The following HECA variants were observed in gnomAD, a reference collection of about 807,000 sequenced individuals.
The protein encoded by HECA is HECA ribonucleoprotein granule regulator.
In HECA, 13 loss-of-function variants were observed where a neutral mutation model predicts 37.6. The observed-to-expected ratio is 0.35, with a 90% confidence interval of 0.23 to 0.55. The LOEUF (loss-of-function observed/expected upper bound fraction) is 0.55. Among genes scored for constraint, HECA ranks in the 20% least tolerant of loss-of-function variants. The probability of loss-of-function intolerance (pLI) is 0.90; values close to 1 mark genes in which losing one functional copy is unlikely to be tolerated. For synonymous variants in HECA, 307 were observed against 291.5 expected, an observed-to-expected ratio of 1.05 and a Z score of -0.54; for missense variants, 527 against 701.9, an observed-to-expected ratio of 0.75 and a Z score of 2.82.
In HECA at chr6:139,178,805, A is replaced by G. The variant is rs1444863547; in HGVS notation, c.*1700A>G. On this transcript the variant is annotated 3_prime_UTR_variant, in exon 4 of 4. Coordinates refer to ENST00000367658, the MANE Select transcript of HECA (RefSeq NM_016217.3). ...TAGCTAGGATGGTCTAGATCTCCTGACCTTGTGATCTGCCTGCCTCGGCCT... is the reference window on the plus strand; with the variant it reads ...TAGCTAGGATGGTCTAGATCTCCTGGCCTTGTGATCTGCCTGCCTCGGCCT... 1 of 152,094 alleles carries G rather than the reference A, an allele frequency of 6.6e-6. No individual in the cohort carries two copies. The highest frequency in any genetic ancestry group is 1.5e-5 in the Non-Finnish European group (1 of 68,044). 9.4% of individuals were successfully genotyped at this position (152,094 alleles called of 1,614,324 possible). A position where few individuals can be genotyped will look rare whatever the true frequency, so the allele number is the denominator to read the frequency against.
At chr6:139,160,010 A>G (rs1268352804) in intron 1 of HECA, among the ~76,000 whole-genome samples, 1 of 152,166 alleles carries the variant, frequency 6.6e-6, no homozygotes, top group Non-Finnish European at 1.5e-5. Context: ...CTCTTTCAAT[A>G]GGTAAGGAGC....
rs1775122149 is a variant in HECA, at chr6:139,180,625, G to A, written c.*3520G>A. On this transcript the variant is annotated 3_prime_UTR_variant, in exon 4 of 4. Coordinates refer to ENST00000367658, the MANE Select transcript of HECA (RefSeq NM_016217.3). ...AAAACCAGCTCAAAAATAAATTCTT[G>A]TCAGTAAAGATTTCTTGTCAAGATG... 1 of 152,576 alleles carries A rather than the reference G, an allele frequency of 6.6e-6. No homozygotes were observed. Among genetic ancestry groups the A allele is most frequent in the Non-Finnish European group, 1.5e-5 (1 of 68,020 alleles). The allele number at this position is 152,576 out of a possible 1,614,324, so 9.5% of individuals were successfully genotyped here.
At chr6:139,156,807 A>G (rs941305604) in intron 1 of HECA, among the ~76,000 whole-genome samples, 2 of 152,352 alleles carry the variant, frequency 1.3e-5, no homozygotes, top group African/African-American at 4.8e-5. Flanking sequence ...CTTCAGGACC[A>G]TGTCCCATGA....
chr6:139,150,819 T>TA (rs1774641292), intron 1 of HECA, among the ~76,000 whole-genome samples: 1 of 152,180 alleles, frequency 6.6e-6, no homozygotes, highest in Non-Finnish European at 1.5e-5. Context: ...TTAATTAAAA[T>TA]ATCACTAGCT....
chr6:139,144,021 G>A (rs2114439019), intron 1 of HECA, among the ~76,000 whole-genome samples: 1 of 152,286 alleles, frequency 6.6e-6, no homozygotes, highest in Non-Finnish European at 1.5e-5. Context: ...GTGGAGTTGT[G>A]TAGCTGAAAG....
chr6:139,174,599 A>C (rs1775024973), intron 3 of HECA, 60 bp downstream of exon 3: 8 of 1,573,654 alleles, frequency 5.1e-6, no homozygotes, highest in Non-Finnish European at 6.9e-6. Context: ...CCCCAAGTGA[A>C]TGTAGGGAAG....
rs1774750348 is a variant in HECA, at chr6:139,158,646, G to T, written c.272-7638G>T. On this transcript the variant is annotated intron_variant, in intron 1 of 3. Transcript: ENST00000367658. Reference sequence around the variant, plus strand: ...TGACCATGCCACTGTACTCCGGTGTGAGCAACAGAGCAAGACCCTGTCTCA... The same window carrying T: ...TGACCATGCCACTGTACTCCGGTGTTAGCAACAGAGCAAGACCCTGTCTCA... 3.5e-5 allele frequency among the ~76,000 whole-genome samples: 5 copies of T among 144,250 alleles called. No individual in the cohort carries two copies. The Admixed American group carries it at 3.6e-4, about 10-fold the overall frequency. The allele number at this position is 144,250 out of a possible 152,430, so 94.6% of individuals were successfully genotyped here. A position where few individuals can be genotyped will look rare whatever the true frequency, so the allele number is the denominator to read the frequency against.
chr6:139,158,170 AAC>A (rs1774742909), intron 1 of HECA, among the ~76,000 whole-genome samples: 1 of 151,802 alleles, frequency 6.6e-6, no homozygotes, highest in African/African-American at 2.4e-5. Flanking sequence ...CAGCCTGGGT[AAC>A]AGAGTGAGAC....
chr6:139,139,627 T>C (rs1476848447), intron 1 of HECA, among the ~76,000 whole-genome samples: 2 of 152,230 alleles, frequency 1.3e-5, no homozygotes, highest in Admixed American at 6.5e-5. Flanking sequence ...TGATCCTCTC[T>C]TGGGGGAGCT....
chr6:139,167,000 G>T lies in HECA; in HGVS notation c.988G>T (p.Ala330Ser). 6.2e-7 allele frequency: 1 copy of T among 1,614,222 alleles called. No individual in the cohort carries two copies. ...CTTTGATTACAGCCCTGCGGGGTTG[G>T]CAGTTCACAGGGGGGGACACTTCGA... is the stretch of plus-strand genomic sequence containing the variant. ...AHFDYSPAGL[A>S]VHRGGHFDTP... Residue 330 changes from alanine (A) to serine (S), a missense_variant, in exon 2 of 4, where the codon GCA (alanine) becomes TCA (serine). Physicochemically the swap from Ala to Ser is moderately conservative, Grantham distance 99. Transcript: ENST00000367658.
At chr6:139,170,345 A>C (rs1408473260) in intron 2 of HECA, 1 of 152,206 alleles carries the variant, frequency 6.6e-6, no homozygotes, top group Non-Finnish European at 1.5e-5. Context: ...TCTTAGGATA[A>C]GATGCTTTTA....
rs774057363 is a variant in HECA at position 139,167,107 on chromosome 6, C to T, written c.1095C>T (p.His365=). 5.0e-5 allele frequency: 80 copies of T among 1,614,096 alleles called. No individual in the cohort carries two copies. The highest frequency in any genetic ancestry group is 6.0e-5 in the Non-Finnish European group (71 of 1,180,056). The change falls in exon 2 of 4, where the codon CAC becomes CAT. Residue 365 remains histidine (H), a synonymous_variant. Coordinates refer to ENST00000367658, the MANE Select transcript of HECA (RefSeq NM_016217.3). ...HIPRHKLNTF[H]VRMEDDAQVG... The stretch of plus-strand genomic sequence containing the variant: ...CCAGGCATAAGCTGAACACTTTCCA[C>T]GTGCGCATGGAAGACGATGCCCAAG...
rs982491904 is a variant in HECA, at chr6:139,179,451, CT to C, written c.*2347del. 2 of 152,160 alleles carry C rather than the reference CT, an allele frequency of 1.3e-5. No individual in the cohort carries two copies. The highest frequency in any genetic ancestry group is 2.4e-5 in the African/African-American group (1 of 41,444). 9.4% of individuals were successfully genotyped at this position (152,160 alleles called of 1,614,324 possible). On this transcript the variant is annotated 3_prime_UTR_variant, in exon 4 of 4. Transcript: ENST00000367658. ...GCCTTTTTAGATGGCTTTCTACCCCCTGAACAATAAATAGGATGAGGTTTTA... is the reference window on the plus strand; with the variant it reads ...GCCTTTTTAGATGGCTTTCTACCCCCGAACAATAAATAGGATGAGGTTTTA...
At position 139,166,569 on chromosome 6, in the gene HECA, A is replaced by G. The variant is rs768560770; in HGVS notation, c.557A>G (p.Lys186Arg). The G allele has an allele frequency of 6.2e-7, 1 of 1,614,250 alleles. No homozygotes were observed. The highest frequency in any genetic ancestry group is 1.1e-5 in the South Asian group (1 of 91,088). Residue 186 changes from lysine to arginine, a missense_variant, in exon 2 of 4, where the codon AAG becomes AGG. Physicochemically the swap from Lys to Arg is conservative, Grantham distance 26. Around this residue, in one of 4 missense-constraint regions of HECA, gnomAD observed 228 missense variants for 259.8 expected, o/e 0.88. Coordinates refer to ENST00000367658, the MANE Select transcript of HECA (RefSeq NM_016217.3). ...TGCCGCTGTGGCCAGGGCCACTTGA[A>G]GAAGGACACAGACTGGTATCAGGTG... ...CSCRCGQGHL[K>R]KDTDWYQVKR... is the part of the protein sequence containing the mutation.
chr6:139,172,926 C>T (rs1338205627), intron 2 of HECA, among the ~76,000 whole-genome samples: 1 of 152,206 alleles, frequency 6.6e-6, no homozygotes, highest in Non-Finnish European at 1.5e-5. Flanking sequence ...GTAAAAGTTA[C>T]TCTGTCTTCA....
At chr6:139,152,752 GA>G in intron 1 of HECA, among the ~76,000 whole-genome samples, 1 of 152,050 alleles carries the variant, frequency 6.6e-6, no homozygotes, top group Non-Finnish European at 1.5e-5. Context: ...ATTTTTAGTA[GA>G]AAAAAGGTCT....
At chr6:139,166,218 C>T in intron 1 of HECA, 66 bp from the exon 2 acceptor site, 2 of 1,266,630 alleles carry the variant, frequency 1.6e-6, no homozygotes, top group Admixed American at 2.2e-5. Flanking sequence ...CATACTGTTG[C>T]AAGTACAGGT....
intron 1 of HECA, among the ~76,000 whole-genome samples, chr6:139,165,460 T>A (rs947791947): frequency 3.9e-5 from 6 of 152,298 alleles, no homozygotes; most frequent in Admixed American, 6.5e-5. Context: ...GTATTGTACA[T>A]CCTGTGGATT....
At chr6:139,173,051 CAG>C (rs1481235030) in intron 2 of HECA, among the ~76,000 whole-genome samples, 2 of 152,200 alleles carry the variant, frequency 1.3e-5, no homozygotes, top group African/African-American at 2.4e-5. Flanking sequence ...GTATGCAGGA[CAG>C]AGAGTGCAAA....
Sources: allele counts gnomAD v4.1 joint callset (sites outside exome capture counted in the v4.1 genomes callset), GRCh38; gene constraint gnomAD v4.1.1; regional missense constraint gnomAD v4.1.1; transcripts MANE v1.5; gene names NCBI Gene and HGNC (gene_info 2026-07-23, HGNC 2026-07-21).